TEP1: variants seen among roughly 807,000 people sequenced by gnomAD.
TEP1 encodes telomerase associated protein 1.
Under a neutral mutation model 306.3 loss-of-function variants are expected in TEP1, and 241 were observed. That is an observed-to-expected ratio of 0.79 (90% CI 0.71 to 0.88). TEP1 has a LOEUF of 0.88. Among genes scored for constraint, TEP1 ranks in the 40% least tolerant of loss-of-function variants. The probability of loss-of-function intolerance (pLI) is 0.00; values close to 1 mark genes in which losing one functional copy is unlikely to be tolerated. For synonymous variants in TEP1, 1,289 were observed against 1,305.5 expected, an observed-to-expected ratio of 0.99 and a Z score of 0.27; for missense variants, 3,051 against 3,276.1, an observed-to-expected ratio of 0.93 and a Z score of 1.68.
At chr14:20,376,075 C>A (rs1429781918) in intron 42 of TEP1, 29 bp downstream of exon 42, 2 of 1,609,006 alleles carry the variant, frequency 1.2e-6, no homozygotes, top group African/African-American at 1.3e-5. Context: ...GGCTATGGGA[C>A]CCCAGGGTTG....
At chr14:20,382,738 G>A in intron 27 of TEP1, 23 bp from the exon 28 acceptor site, 1 of 1,612,684 alleles carries the variant, frequency 6.2e-7, no homozygotes, top group Non-Finnish European at 8.5e-7. Context: ...AGGACTCAGG[G>A]TGGGGTCCAG....
chr14:20,374,977 G>A (rs1333116943), intron 43 of TEP1, among the ~76,000 whole-genome samples: 1 of 151,768 alleles, frequency 6.6e-6, no homozygotes, highest in African/African-American at 2.4e-5. Context: ...TATAATCTCA[G>A]CTACTCAGGA....
At position 20,379,996 on chromosome 14, in the gene TEP1, A is replaced by T. The variant is rs1885432624; in HGVS notation, c.5061T>A (p.Asn1687Lys). 6 of 1,614,164 alleles carry T rather than the reference A, an allele frequency of 3.7e-6. No individual in the cohort carries two copies. Among genetic ancestry groups the T allele is most frequent in the Non-Finnish European group, 4.2e-6 (5 of 1,180,022 alleles). The stretch of plus-strand genomic sequence containing the variant: ...CAGTGCCCACAGCTGCTCTTTGCCC[A>T]TTGGTGGAGAAGGCCACAGCAGTAG... ...SSPTAVAFST[N>K]GQRAAVGTAN... The change falls in exon 35 of 55, where the codon AAT becomes AAA. Residue 1687 changes from asparagine (N) to lysine (K), a missense_variant. Physicochemically the swap from Asn to Lys is moderately conservative, Grantham distance 94. Coordinates refer to ENST00000262715, the MANE Select transcript of TEP1 (RefSeq NM_007110.5).
At position 20,406,251 on chromosome 14, in the gene TEP1, A is replaced by G; in HGVS notation, c.717T>C (p.His239=). The G allele has an allele frequency of 6.2e-7, 1 of 1,613,892 alleles. No homozygotes were observed. The highest frequency in any genetic ancestry group is 8.5e-7 in the Non-Finnish European group (1 of 1,179,960). ...DSESHPEPTD[H]VLQEKKMALL... ...TTTTTACCTTCTTTTCCTGAAGGAC[A>G]TGGTCAGTAGGCTCTGGATGAGATT... Residue 239 remains histidine (H), a synonymous_variant, in exon 3 of 55, where the codon CAT becomes CAC. Transcript: ENST00000262715.
Position 20,378,844 on chromosome 14 carries a change from C to G in TEP1, c.5262G>C (p.Gln1754His). Reference protein sequence around the residue: ...WDLQHGCRVLQTKAHQYQITG... With the variant: ...WDLQHGCRVLHTKAHQYQITG... Reference sequence around the variant, plus strand: ...TGATTTGGTACTGGTGAGCCTTAGTCTGCAGCACCCTATCCCAGGAAGATG... The same window carrying G: ...TGATTTGGTACTGGTGAGCCTTAGTGTGCAGCACCCTATCCCAGGAAGATG... The change falls in exon 37 of 55, where the codon CAG becomes CAC. Residue 1754 changes from glutamine to histidine, a missense_variant. Around this residue, in one of 3 missense-constraint regions of TEP1, gnomAD observed 1,540 missense variants for 1,705.9 expected, o/e 0.90. Coordinates refer to ENST00000262715, the MANE Select transcript of TEP1 (RefSeq NM_007110.5). 1 of 1,614,186 alleles carries G rather than the reference C, an allele frequency of 6.2e-7. No homozygotes were observed. Among genetic ancestry groups the G allele is most frequent in the South Asian group, 1.1e-5 (1 of 91,076 alleles).
chr14:20,398,800 T>A (rs1236142553), intron 9 of TEP1, among the ~76,000 whole-genome samples: 1 of 152,228 alleles, frequency 6.6e-6, no homozygotes, highest in Non-Finnish European at 1.5e-5. Flanking sequence ...AGCAGCTTCA[T>A]CAGGTAAATG....
Position 20,384,650 on chromosome 14 carries a change from G to A in TEP1, c.3171C>T (p.Ile1057=), listed in dbSNP as rs1876960271. The A allele has an allele frequency of 6.2e-7, 1 of 1,613,810 alleles. No homozygotes were observed. The highest frequency in any genetic ancestry group is 1.7e-5 in the Admixed American group (1 of 59,996). Residue 1057 remains isoleucine, a synonymous_variant, in exon 22 of 55, where the codon ATC becomes ATT. Coordinates refer to ENST00000262715, the MANE Select transcript of TEP1 (RefSeq NM_007110.5). The part of the protein sequence containing the change: ...VSESEEAARR[I]SELKSYLSRQ... Reference sequence around the variant, plus strand: ...TGCTTAGGTAGCTCTTCAGTTCTGAGATCCGACGTGCGGCCTCTTCAGACT... The same window carrying A: ...TGCTTAGGTAGCTCTTCAGTTCTGAAATCCGACGTGCGGCCTCTTCAGACT...
In TEP1 at chr14:20,406,404, G is replaced by T. The variant is rs775110731; in HGVS notation, c.568-4C>A. 3.1e-6 allele frequency: 5 copies of T among 1,613,460 alleles called. No homozygotes were observed. The highest frequency in any genetic ancestry group is 4.2e-6 in the Non-Finnish European group (5 of 1,179,892). Reference sequence around the variant, plus strand: ...CTTCTGAATCAAACCAACGACCCTGGGGTAGTAGTGGCAGTTATGAATCAC... The same window carrying T: ...CTTCTGAATCAAACCAACGACCCTGTGGTAGTAGTGGCAGTTATGAATCAC... On this transcript the variant is annotated splice_region_variant and splice_polypyrimidine_tract_variant and intron_variant, in intron 2 of 54. Coordinates refer to ENST00000262715, the MANE Select transcript of TEP1 (RefSeq NM_007110.5).
chr14:20,373,805 C>T lies in TEP1; in HGVS notation c.6477G>A (p.Glu2159=), dbSNP rs371185635. 1.2e-5 allele frequency: 19 copies of T among 1,612,524 alleles called. No homozygotes were observed. Among genetic ancestry groups the T allele is most frequent in the Non-Finnish European group, 1.6e-5 (19 of 1,179,886 alleles). ...SAVSAVAAVE[E]HVVSVSRDGT... ...CATCCCGGCTCACAGACACCACGTG[C>T]TCCTCCTGCCCACAGAGCACAAGAT... The change falls in exon 45 of 55, where the codon GAG becomes GAA. Residue 2159 remains glutamate (E), a synonymous_variant. Transcript: ENST00000262715.
intron 51 of TEP1, among the ~76,000 whole-genome samples, 196 bp downstream of exon 51, chr14:20,371,022 T>C (rs1170019154): frequency 2.6e-5 from 4 of 152,232 alleles, no homozygotes; most frequent in Admixed American, 2.0e-4. Context: ...GGTAGAGTCC[T>C]TTCTTGTACC....
chr14:20,374,523 C>G lies in TEP1; in HGVS notation c.6377G>C (p.Ser2126Thr). 6.2e-7 allele frequency: 1 copy of G among 1,612,774 alleles called. No individual in the cohort carries two copies. The highest frequency in any genetic ancestry group is 1.7e-5 in the Admixed American group (1 of 59,914). The change falls in exon 44 of 55, where the codon AGT becomes ACT. Residue 2126 changes from serine (S) to threonine (T), a missense_variant. Ser to Thr is a moderately conservative substitution (Grantham distance 58, BLOSUM62 1). Around this residue, in one of 3 missense-constraint regions of TEP1, gnomAD observed 1,540 missense variants for 1,705.9 expected, o/e 0.90. Coordinates refer to ENST00000262715, the MANE Select transcript of TEP1 (RefSeq NM_007110.5). ...TKDNLLISCS[S>T]DGSVGLWDPE... The stretch of plus-strand genomic sequence containing the variant: ...GTCCCAGAGCCCCACAGAGCCATCA[C>G]TGGAGCAGGATATCTACAGAGTCAG...
Position 20,391,115 on chromosome 14 carries a change from G to A in TEP1, c.2098-19C>T. 2 of 1,612,426 alleles carry A rather than the reference G, an allele frequency of 1.2e-6. No individual in the cohort carries two copies. The highest frequency in any genetic ancestry group is 3.3e-4 in the Middle Eastern group (2 of 6,056). ...GCGGGGGCTGATTGGACAAGTGTCAGGGGAAATAAAGCTCCCCTGCTTTGG... is the reference window on the plus strand; with the variant it reads ...GCGGGGGCTGATTGGACAAGTGTCAAGGGAAATAAAGCTCCCCTGCTTTGG... On this transcript the variant is annotated intron_variant, in intron 13 of 54. Coordinates refer to ENST00000262715, the MANE Select transcript of TEP1 (RefSeq NM_007110.5).
chr14:20,396,232 C>T (rs1309959566), intron 10 of TEP1, among the ~76,000 whole-genome samples: 1 of 152,134 alleles, frequency 6.6e-6, no homozygotes, highest in Non-Finnish European at 1.5e-5. Flanking sequence ...ACTTTGGGAG[C>T]CTTAGGCAGG....
chr14:20,397,169 A>G (rs1213685575), intron 9 of TEP1, among the ~76,000 whole-genome samples: 1 of 152,228 alleles, frequency 6.6e-6, no homozygotes, highest in Admixed American at 6.5e-5. Context: ...GGCAAAATGT[A>G]TTATCTAGTC....
Position 20,395,447 on chromosome 14 carries a change from T to G in TEP1, c.1928+3A>C. 6.3e-7 allele frequency: 1 copy of G among 1,589,086 alleles called. No individual in the cohort carries two copies. The highest frequency in any genetic ancestry group is 1.3e-5 in the African/African-American group (1 of 74,684). ...CCTTGGCTCCCAGACAGTGCATACA[T>G]ACCTGGCCTTGTGTACTCTCAGCTT... On this transcript the variant is annotated splice_donor_region_variant and intron_variant, in intron 12 of 54. Transcript: ENST00000262715.
In TEP1 at chr14:20,408,453, C is replaced by T. The variant is rs761258468; in HGVS notation, c.-14G>A. On this transcript the variant is annotated 5_prime_UTR_variant, in exon 2 of 55. Coordinates refer to ENST00000262715, the MANE Select transcript of TEP1 (RefSeq NM_007110.5). ...GAGTTTTTCCATGGCTGAAACTCAG[C>T]TTGTATATGCCTAGAAGGAGAGAAA... is the stretch of plus-strand genomic sequence containing the variant. 18 of 1,605,898 alleles carry T rather than the reference C, an allele frequency of 1.1e-5. No individual in the cohort carries two copies. The African/African-American group carries it at 1.6e-4, about 14-fold the overall frequency.
chr14:20,389,649 C>T lies in TEP1; in HGVS notation c.2426G>A (p.Cys809Tyr). The part of the protein sequence containing the change: ...QLYWQRVNSK[C>Y]LFVGILLRRV... ...TCTTAGGAGGATACCAACAAAGAGG[C>T]ACTTGGAATTCACACGCTGCCAGTA... Residue 809 changes from cysteine (C) to tyrosine (Y), a missense_variant, in exon 16 of 55, where the codon TGC (cysteine) becomes TAC (tyrosine). Cys to Tyr is a radical substitution (Grantham distance 194). This residue lies in a region of TEP1 where 1,507 missense variants were observed against 1,550.5 expected (regional missense o/e 0.97). Coordinates refer to ENST00000262715, the MANE Select transcript of TEP1 (RefSeq NM_007110.5). The T allele has an allele frequency of 6.2e-7, 1 of 1,614,242 alleles. No individual in the cohort carries two copies. Among genetic ancestry groups the T allele is most frequent in the Non-Finnish European group, 8.5e-7 (1 of 1,180,048 alleles).
chr14:20,368,942 G>A, intron 53 of TEP1, 40 bp from the exon 54 acceptor site: 1 of 1,497,260 alleles, frequency 6.7e-7, no homozygotes, highest in East Asian at 2.3e-5. Flanking sequence ...TGAGTTCTCA[G>A]GGGCCCCTCC....
chr14:20,390,527 A>T (rs1299035118), intron 15 of TEP1, among the ~76,000 whole-genome samples, 154 bp downstream of exon 15: 1 of 152,252 alleles, frequency 6.6e-6, no homozygotes, highest in African/African-American at 2.4e-5. Context: ...GATATTCAGC[A>T]GCACACCACT....
Sources: allele counts gnomAD v4.1 joint callset (sites outside exome capture counted in the v4.1 genomes callset), GRCh38; gene constraint gnomAD v4.1.1; regional missense constraint gnomAD v4.1.1; transcripts MANE v1.5; gene names NCBI Gene and HGNC (gene_info 2026-07-23, HGNC 2026-07-21).